Variants in KIAA0319L observed in about 807,000 individuals in gnomAD.
The protein encoded by KIAA0319L is dyslexia-associated protein KIAA0319-like protein.
KIAA0319L carries 55 observed loss-of-function variants against 120.1 expected under a neutral mutation model. The ratio of observed to expected loss-of-function variants is 0.46; its 90% CI spans 0.37 to 0.57. KIAA0319L has a LOEUF of 0.57. KIAA0319L is among the 20% of genes least tolerant of loss of function. KIAA0319L has a pLI of 0.00. For missense variants in KIAA0319L, 1,049 were observed against 1,255.3 expected, an observed-to-expected ratio of 0.84 and a Z score of 2.48; for synonymous variants, 398 against 471.9, an observed-to-expected ratio of 0.84 and a Z score of 2.03.
At chr1:35,461,883 G>A (rs1312188589) in intron 8 of KIAA0319L, among the ~76,000 whole-genome samples, 1 of 152,044 alleles carries the variant, frequency 6.6e-6, no homozygotes. Context: ...AACCTTGTTA[G>A]AGGGTCCTCT....
At chr1:35,457,341 C>A (rs373716218) in intron 9 of KIAA0319L, among the ~76,000 whole-genome samples, 67 of 152,142 alleles carry the variant, frequency 4.4e-4, no homozygotes, top group African/African-American at 1.4e-3. Context: ...TCATCCTGTT[C>A]CAGCTGTTTA....
chr1:35,497,487 G>A (rs75602268), intron 3 of KIAA0319L, among the ~76,000 whole-genome samples: 2,815 of 152,184 alleles, frequency 0.018, 92 homozygotes, highest in African/African-American at 0.065. Context: ...ATTACAAAGC[G>A]GCAGAAGAAA....
chr1:35,461,977 TCAAAACAAAA>T (rs200765617), intron 8 of KIAA0319L, among the ~76,000 whole-genome samples: 25 of 151,998 alleles, frequency 1.6e-4, no homozygotes, highest in Middle Eastern at 3.4e-3. Context: ...TCTCAAAAAA[TCAAAACAAAA>T]CAAAACAAAA....
chr1:35,477,288 T>C (rs1370867779), intron 4 of KIAA0319L, among the ~76,000 whole-genome samples: 1 of 152,196 alleles, frequency 6.6e-6, no homozygotes, highest in East Asian at 1.9e-4. Flanking sequence ...TGAACAGGGA[T>C]TTCTCAAAAG....
At chr1:35,439,246 T>C (rs1371303944) in intron 20 of KIAA0319L, 1 of 152,234 alleles carries the variant, frequency 6.6e-6, no homozygotes, top group Non-Finnish European at 1.5e-5. Context: ...TTTTGTTCCT[T>C]TGCCTGGAAT....
At chr1:35,495,180 C>A (rs918128235) in intron 3 of KIAA0319L, among the ~76,000 whole-genome samples, 1 of 152,070 alleles carries the variant, frequency 6.6e-6, no homozygotes, top group Non-Finnish European at 1.5e-5. Context: ...TGAGACCAGC[C>A]TGGCCAACAT....
intron 7 of KIAA0319L, among the ~76,000 whole-genome samples, chr1:35,466,063 T>C (rs563099324): frequency 1.3e-5 from 2 of 152,290 alleles, no homozygotes; most frequent in Non-Finnish European, 1.5e-5. Flanking sequence ...CTGCCCATCT[T>C]CTCTTAAATT....
intron 16 of KIAA0319L, among the ~76,000 whole-genome samples, chr1:35,445,115 G>T (rs1195129542): frequency 2.6e-5 from 4 of 152,072 alleles, no homozygotes; most frequent in Non-Finnish European, 5.9e-5. Context: ...TGGCTGGGTG[G>T]GACCTGGGCA....
chr1:35,497,570 A>T (rs1411534805), intron 3 of KIAA0319L, among the ~76,000 whole-genome samples: 1 of 152,222 alleles, frequency 6.6e-6, no homozygotes, highest in Non-Finnish European at 1.5e-5. Context: ...AGATATAAAT[A>T]AACTAACCAA....
intron 9 of KIAA0319L, among the ~76,000 whole-genome samples, chr1:35,457,171 G>A (rs1033454584): frequency 6.6e-6 from 1 of 152,152 alleles, no homozygotes; most frequent in African/African-American, 2.4e-5. Flanking sequence ...GAGAGGCTAA[G>A]TAACCCACCC....
chr1:35,525,840 A>G (rs960176004), intron 2 of KIAA0319L, among the ~76,000 whole-genome samples: 1 of 152,134 alleles, frequency 6.6e-6, no homozygotes, highest in Non-Finnish European at 1.5e-5. Flanking sequence ...TTAGCTTAAC[A>G]TAATCCCATT....
At chr1:35,554,311 C>CA in intron 2 of KIAA0319L, 39 bp downstream of exon 2, 6 of 1,464,252 alleles carry the variant, frequency 4.1e-6, no homozygotes, top group Non-Finnish European at 5.5e-6. Context: ...ATGCCCTTTT[C>CA]TAAAAAAAAA....
At chr1:35,546,682 C>T (rs139187220) in intron 2 of KIAA0319L, among the ~76,000 whole-genome samples, 4 of 152,330 alleles carry the variant, frequency 2.6e-5, no homozygotes, top group Admixed American at 2.0e-4. Context: ...GTCCTTGTCT[C>T]CAACTGTGTC....
intron 2 of KIAA0319L, among the ~76,000 whole-genome samples, chr1:35,521,409 G>T (rs1378567383): frequency 6.7e-6 from 1 of 149,964 alleles, no homozygotes; most frequent in Non-Finnish European, 1.5e-5. Context: ...CCAAGATGGG[G>T]AGAACATGAG....
At position 35,506,452 on chromosome 1, in the gene KIAA0319L, T is replaced by A. The variant is rs1645207200; in HGVS notation, c.666+160A>T. ...ATCTCTAGGGTCAAATTACCCTTTGTACATCTGGGCAGCACCAAAGAAGCT... is the reference window on the plus strand; with the variant it reads ...ATCTCTAGGGTCAAATTACCCTTTGAACATCTGGGCAGCACCAAAGAAGCT... On this transcript the variant is annotated intron_variant, in intron 3 of 20. Coordinates refer to ENST00000325722, the MANE Select transcript of KIAA0319L (RefSeq NM_024874.5). This position sits in a 1 kb window ranked among gnomAD's most constrained non-coding sequence, Gnocchi z 4.0. Among the ~76,000 whole-genome samples, 1 of 152,232 alleles carries A rather than the reference T, an allele frequency of 6.6e-6. No homozygotes were observed. The highest frequency in any genetic ancestry group is 2.1e-4 in the South Asian group (1 of 4,834).
intron 3 of KIAA0319L, among the ~76,000 whole-genome samples, chr1:35,482,196 T>C (rs1644200165): frequency 6.6e-6 from 1 of 152,090 alleles, no homozygotes; most frequent in Non-Finnish European, 1.5e-5. Flanking sequence ...TACCCTTTTT[T>C]TTGAGAGGGG....
intron 3 of KIAA0319L, among the ~76,000 whole-genome samples, chr1:35,484,118 C>A (rs1204614751): frequency 6.6e-6 from 1 of 152,188 alleles, no homozygotes; most frequent in Admixed American, 6.5e-5. Context: ...AATAAGGTCA[C>A]ATGCTGAGGT....
In KIAA0319L at chr1:35,437,999, ACT is replaced by A. The variant is rs1427800071; in HGVS notation, c.2963-2920_2963-2919del. Among the ~76,000 whole-genome samples the A allele has an allele frequency of 6.6e-6, 1 of 151,964 alleles. No homozygotes were observed. Among genetic ancestry groups the A allele is most frequent in the Non-Finnish European group, 1.5e-5 (1 of 67,992 alleles). ...CCACTGACACCACGCTGTGTGAATC[ACT>A]GTCAGCTCCTCCTTGGACCAAAAAT... On this transcript the variant is annotated intron_variant, in intron 20 of 20. Transcript: ENST00000325722. The surrounding 1 kb of genome is among the most constrained non-coding windows in gnomAD (Gnocchi z 4.1).
At chr1:35,451,201 C>T (rs1642035209) in intron 13 of KIAA0319L, among the ~76,000 whole-genome samples, 1 of 152,210 alleles carries the variant, frequency 6.6e-6, no homozygotes, top group Non-Finnish European at 1.5e-5. Context: ...TCAGGGCAAG[C>T]ATAGTCAGCT....
Sources: allele counts gnomAD v4.1 joint callset (sites outside exome capture counted in the v4.1 genomes callset), GRCh38; gene constraint gnomAD v4.1.1; non-coding constraint Gnocchi (gnomAD v3.1); transcripts MANE v1.5; gene names NCBI Gene and HGNC (gene_info 2026-07-23, HGNC 2026-07-21).